Variants in CCDC192 observed in about 807,000 individuals in gnomAD.
The protein encoded by CCDC192 is coiled-coil domain-containing protein 192.
intron 6 of CCDC192, among the ~76,000 whole-genome samples, chr5:127,891,227 ATT>A (rs36114800): frequency 0.41 from 61,968 of 151,646 alleles, 12,959 homozygotes; most frequent in Non-Finnish European, 0.44. Flanking sequence ...TAATTTTTGT[ATT>A]TTTTAGTAGA....
At chr5:127,853,665 C>G (rs1267964105) in intron 5 of CCDC192, among the ~76,000 whole-genome samples, 2 of 152,112 alleles carry the variant, frequency 1.3e-5, no homozygotes, top group Non-Finnish European at 2.9e-5. Flanking sequence ...CCCAGCTACT[C>G]TGGAGGTTGA....
chr5:127,865,579 G>A (rs1047503986), intron 5 of CCDC192, among the ~76,000 whole-genome samples: 4 of 151,182 alleles, frequency 2.6e-5, no homozygotes, highest in African/African-American at 9.8e-5. Context: ...AGAAAAACAA[G>A]GAGTGATTTT....
intron 5 of CCDC192, among the ~76,000 whole-genome samples, chr5:127,833,962 A>G (rs989618212): frequency 7.9e-5 from 12 of 152,174 alleles, no homozygotes; most frequent in African/African-American, 2.9e-4. Flanking sequence ...ATGAAAGGTA[A>G]GAGAATATGC....
chr5:127,866,284 T>G (rs1751608941), intron 5 of CCDC192, among the ~76,000 whole-genome samples: 1 of 151,948 alleles, frequency 6.6e-6, no homozygotes, highest in South Asian at 2.1e-4. Context: ...AACCACATCT[T>G]GAGCTAGGAG....
rs1484204230 is a variant in CCDC192, at chr5:127,837,387, G to T, written c.412-38151G>T. ...ATCTTATATAGTGGCAGGTGAGAGA[G>T]AAGTGCAAGCAGGGTAAATGCCAGA... On this transcript the variant is annotated intron_variant, in intron 5 of 6. Coordinates refer to ENST00000514853, the MANE Select transcript of CCDC192 (RefSeq NM_001317938.2). 1.5e-4 allele frequency among the ~76,000 whole-genome samples: 12 copies of T among 81,134 alleles called. 5 individuals carry two copies. The highest frequency in any genetic ancestry group is 4.9e-4 in the African/African-American group (12 of 24,410). 53.2% of individuals were successfully genotyped at this position (81,134 alleles called of 152,430 possible).
At chr5:127,888,047 C>T (rs1188353059) in intron 6 of CCDC192, among the ~76,000 whole-genome samples, 2 of 152,000 alleles carry the variant, frequency 1.3e-5, no homozygotes, top group African/African-American at 4.8e-5. Flanking sequence ...AACATGAGAA[C>T]TCCTTTAAAA....
At chr5:127,858,188 C>A (rs1267459181) in intron 5 of CCDC192, among the ~76,000 whole-genome samples, 1 of 152,200 alleles carries the variant, frequency 6.6e-6, no homozygotes, top group African/African-American at 2.4e-5. Context: ...CTATTGACCA[C>A]CTGCATAAAT....
chr5:127,749,422 T>C (rs1753990073), intron 2 of CCDC192, among the ~76,000 whole-genome samples: 1 of 151,956 alleles, frequency 6.6e-6, no homozygotes, highest in Non-Finnish European at 1.5e-5. Flanking sequence ...CATTTATTGA[T>C]TTGCGTATAT....
intron 5 of CCDC192, among the ~76,000 whole-genome samples, chr5:127,842,157 G>C (rs539888893): frequency 6.6e-6 from 1 of 152,194 alleles, no homozygotes; most frequent in African/African-American, 2.4e-5. Context: ...GCACTCAGAA[G>C]GACCCACACC....
At chr5:127,811,972 C>T (rs1231554482) in intron 5 of CCDC192, among the ~76,000 whole-genome samples, 1 of 152,132 alleles carries the variant, frequency 6.6e-6, no homozygotes, top group Non-Finnish European at 1.5e-5. Context: ...ACATTTTCCC[C>T]TCTGAACATT....
chr5:127,766,032 A>G (rs1755206041), intron 3 of CCDC192, among the ~76,000 whole-genome samples: 1 of 152,186 alleles, frequency 6.6e-6, no homozygotes. Context: ...AATATGCCCT[A>G]TGTTAACCCA....
intron 3 of CCDC192, among the ~76,000 whole-genome samples, chr5:127,773,714 A>G (rs1755692406): frequency 3.3e-5 from 5 of 152,200 alleles, no homozygotes. Flanking sequence ...TTTAGCTATT[A>G]TGAATAAATA....
intron 3 of CCDC192, among the ~76,000 whole-genome samples, chr5:127,782,782 G>A (rs978381965): frequency 6.7e-4 from 101 of 151,632 alleles, no homozygotes; most frequent in African/African-American, 2.4e-3. Flanking sequence ...TTTCTCTTTT[G>A]TATTTTTTGT....
intron 3 of CCDC192, among the ~76,000 whole-genome samples, chr5:127,782,448 C>CT (rs1231321663): frequency 8.9e-5 from 13 of 146,176 alleles, no homozygotes; most frequent in East Asian, 2.0e-4. Flanking sequence ...TGGTCCTGGA[C>CT]TTTTTTTTTT....
At chr5:127,807,909 G>A (rs927650763) in intron 5 of CCDC192, among the ~76,000 whole-genome samples, 1 of 152,090 alleles carries the variant, frequency 6.6e-6, no homozygotes, top group Non-Finnish European at 1.5e-5. Context: ...GTGCCCTAGA[G>A]CTACTTTATT....
At chr5:127,717,928 C>CAAAAAAAAAAAAAAAAAAAAAAAAA in intron 2 of CCDC192, among the ~76,000 whole-genome samples, 1 of 98,052 alleles carries the variant, frequency 1.0e-5, no homozygotes, top group African/African-American at 3.9e-5. Flanking sequence ...TAAAGCTAGA[C>CAAAAAAAAAAAAAAAAAAAAAAAAA]AAAAAAAAAA....
At position 127,737,626 on chromosome 5, in the gene CCDC192, C is replaced by T. The variant is rs750813800; in HGVS notation, c.115-16642C>T. Among the ~76,000 whole-genome samples the T allele has an allele frequency of 6.8e-3, 1,035 of 151,934 alleles. 6 individuals carry two copies. Among genetic ancestry groups the T allele is most frequent in the Admixed American group, 0.011 (162 of 15,276 alleles). On this transcript the variant is annotated intron_variant, in intron 2 of 6. Transcript: ENST00000514853. Reference sequence around the variant, plus strand: ...AATCTGGGTGCTCCTGTATTGGGTGCATATATATTTAGGGTAGTTAGCTCT... The same window carrying T: ...AATCTGGGTGCTCCTGTATTGGGTGTATATATATTTAGGGTAGTTAGCTCT...
At chr5:127,728,260 A>G (rs1752446367) in intron 2 of CCDC192, among the ~76,000 whole-genome samples, 1 of 152,192 alleles carries the variant, frequency 6.6e-6, no homozygotes, top group South Asian at 2.1e-4. Flanking sequence ...TCCAAGGTCA[A>G]AATGAAGGAA....
intron 3 of CCDC192, among the ~76,000 whole-genome samples, chr5:127,768,752 G>T (rs1755378981): frequency 6.6e-6 from 1 of 152,132 alleles, no homozygotes; most frequent in African/African-American, 2.4e-5. Context: ...TCTAGAATGG[G>T]GTTAAGATAA....
Sources: allele counts gnomAD v4.1 joint callset (sites outside exome capture counted in the v4.1 genomes callset), GRCh38; gene constraint gnomAD v4.1.1; transcripts MANE v1.5; gene names NCBI Gene and HGNC (gene_info 2026-07-23, HGNC 2026-07-21).